Variants in PDZRN3 observed in about 807,000 individuals in gnomAD.
PDZRN3 encodes the protein PDZ domain containing ring finger 3, also known as E3 ubiquitin-protein ligase PDZRN3.
PDZRN3 carries 38 observed loss-of-function variants against 85.7 expected under a neutral mutation model. The ratio of observed to expected loss-of-function variants is 0.44; its 90% CI spans 0.34 to 0.58. The LOEUF is 0.58. Ranked by LOEUF, PDZRN3 falls within the 20% of genes least tolerant of loss-of-function variation. The pLI is 0.01. For missense variants in PDZRN3, 1,629 were observed against 1,506.4 expected (o/e 1.08, Z -1.35); for synonymous variants, 759 against 638.0 (o/e 1.19, Z -2.86).
At chr3:73,386,226 C>CTTTTTTTTTTGTT (rs1701382147) in intron 8 of PDZRN3, among the ~76,000 whole-genome samples, 1 of 90,730 alleles carries the variant, frequency 1.1e-5, no homozygotes, top group Non-Finnish European at 2.1e-5. Flanking sequence ...CAAGATATCA[C>CTTTTTTTTTTGTT]TTTTTTTTTT....
At chr3:73,554,345 T>C (rs1169184113) in intron 3 of PDZRN3, among the ~76,000 whole-genome samples, 2 of 115,408 alleles carry the variant, frequency 1.7e-5, no homozygotes, top group Non-Finnish European at 3.5e-5. Flanking sequence ...ACAGGATTGT[T>C]GAGAGAAGAC....
chr3:73,457,032 T>C (rs1361974281), intron 3 of PDZRN3, among the ~76,000 whole-genome samples: 1 of 152,056 alleles, frequency 6.6e-6, no homozygotes, highest in Non-Finnish European at 1.5e-5. Flanking sequence ...TTTAAAAAAG[T>C]AATATGAATG....
chr3:73,398,501 C>T lies in PDZRN3; in HGVS notation c.1254+2421G>A, dbSNP rs185639880. ...CTAGGGGGCCAAGTTTCTGTAGTTC[C>T]CACATCTCCTAGGTGAGAACTCTAC... On this transcript the variant is annotated intron_variant, in intron 5 of 9. Coordinates refer to ENST00000263666, the MANE Select transcript of PDZRN3 (RefSeq NM_015009.3). 1.1e-4 allele frequency among the ~76,000 whole-genome samples: 17 copies of T among 152,252 alleles called. No homozygotes were observed. The East Asian group carries it at 3.1e-3, about 28-fold the overall frequency.
chr3:73,618,675 A>G (rs1470555133), intron 1 of PDZRN3, among the ~76,000 whole-genome samples: 1 of 152,266 alleles, frequency 6.6e-6, no homozygotes, highest in African/African-American at 2.4e-5. Context: ...ATATTTTTAT[A>G]GCGAGGCAAG....
intron 3 of PDZRN3, among the ~76,000 whole-genome samples, chr3:73,591,151 C>G (rs1311925689): frequency 1.3e-5 from 2 of 152,100 alleles, no homozygotes; most frequent in African/African-American, 4.8e-5. Context: ...TAAAAAGAAA[C>G]TAAACTATTT....
At chr3:73,526,251 A>G (rs77174550) in intron 3 of PDZRN3, among the ~76,000 whole-genome samples, 1,550 of 152,328 alleles carry the variant, frequency 0.01, 31 homozygotes, top group African/African-American at 0.036. Context: ...TCACCACTGT[A>G]TATCTAATGC....
Position 73,384,660 on chromosome 3 carries a change from G to C in PDZRN3, c.1906C>G (p.Leu636Val). ...TCGCACTCGTCCACCGGGATCCCCA[G>C]GTAGTCGGCGTCCGTGCAGTCGGCC... ...ISADCTDADY[L>V]GIPVDECERF... Residue 636 changes from leucine (L) to valine (V), a missense_variant, in exon 10 of 10, where the codon CTG becomes GTG. Coordinates refer to ENST00000263666, the MANE Select transcript of PDZRN3 (RefSeq NM_015009.3). The C allele has an allele frequency of 6.2e-7, 1 of 1,614,004 alleles. No homozygotes were observed. Among genetic ancestry groups the C allele is most frequent in the East Asian group, 2.2e-5 (1 of 44,872 alleles).
In PDZRN3 at chr3:73,405,961, C is replaced by A. The variant is rs111702408; in HGVS notation, c.919-1566G>T. On this transcript the variant is annotated intron_variant, in intron 3 of 9. Transcript: ENST00000263666. ...CTCTTAGGCTGAAGTGCGTTGTAAA[C>A]AACTGTTGGGTTGAGAAATAGATGT... Among the ~76,000 whole-genome samples, 595 of 152,306 alleles carry A rather than the reference C, an allele frequency of 3.9e-3. 2 individuals carry two copies. Among genetic ancestry groups the A allele is most frequent in the African/African-American group, 0.014 (571 of 41,550 alleles).
intron 8 of PDZRN3, among the ~76,000 whole-genome samples, chr3:73,386,066 G>C (rs566597733): frequency 4.2e-4 from 64 of 151,716 alleles, no homozygotes; most frequent in Middle Eastern, 3.4e-3. Flanking sequence ...TACCTTCAGT[G>C]CAGTAGGACA....
At chr3:73,441,483 G>A (rs577315410) in intron 3 of PDZRN3, among the ~76,000 whole-genome samples, 7 of 151,538 alleles carry the variant, frequency 4.6e-5, no homozygotes, top group African/African-American at 1.7e-4. Context: ...CTGTGTGCTG[G>A]ATTTGGCATG....
At chr3:73,603,434 T>G (rs151306398) in intron 2 of PDZRN3, among the ~76,000 whole-genome samples, 64 of 152,326 alleles carry the variant, frequency 4.2e-4, no homozygotes, top group African/African-American at 1.5e-3. Context: ...CAAACAGCAC[T>G]GCAATGAATT....
At chr3:73,580,924 T>C (rs1266232756) in intron 3 of PDZRN3, among the ~76,000 whole-genome samples, 1 of 152,236 alleles carries the variant, frequency 6.6e-6, no homozygotes, top group Non-Finnish European at 1.5e-5. Flanking sequence ...AAACTAATTC[T>C]GAAATACAAT....
chr3:73,500,698 C>T (rs1262583338), intron 3 of PDZRN3, among the ~76,000 whole-genome samples: 1 of 152,164 alleles, frequency 6.6e-6, no homozygotes, highest in Non-Finnish European at 1.5e-5. Context: ...TGCCAGTTCT[C>T]GCCTCCTCCC....
rs1343248821 is a variant in PDZRN3 at position 73,389,856 on chromosome 3, G to C, written c.1376C>G (p.Ala459Gly). ...TCCTTCTCGGATGCGCCCATCCTTG[G>C]CTGCAATGCTGTTAGGGTCAATCTG... The part of the protein sequence containing the change: ...ISEIDPNSIA[A>G]KDGRIREGDR... The change falls in exon 7 of 10, where the codon GCC (alanine) becomes GGC (glycine). Residue 459 changes from alanine (A) to glycine (G), a missense_variant. Physicochemically the swap from Ala to Gly is moderately conservative, Grantham distance 60. Coordinates refer to ENST00000263666, the MANE Select transcript of PDZRN3 (RefSeq NM_015009.3). 1 of 1,613,636 alleles carries C rather than the reference G, an allele frequency of 6.2e-7. No homozygotes were observed. Among genetic ancestry groups the C allele is most frequent in the Non-Finnish European group, 8.5e-7 (1 of 1,179,702 alleles).
In PDZRN3 at chr3:73,517,406, C is replaced by G. The variant is rs1030956267; in HGVS notation, c.918+84948G>C. On this transcript the variant is annotated intron_variant, in intron 3 of 9. Coordinates refer to ENST00000263666, the MANE Select transcript of PDZRN3 (RefSeq NM_015009.3). Reference sequence around the variant, plus strand: ...TGTTTCTATGTGAAAGAGCTCTCAACAAAACATTGCATAATTATCGAGAGC... The same window carrying G: ...TGTTTCTATGTGAAAGAGCTCTCAAGAAAACATTGCATAATTATCGAGAGC... Among the ~76,000 whole-genome samples the G allele has an allele frequency of 3.9e-5, 6 of 152,154 alleles. 1 individual carries two copies. The highest frequency in any genetic ancestry group is 7.3e-5 in the Non-Finnish European group (5 of 68,040).
At chr3:73,457,238 A>T (rs934924124) in intron 3 of PDZRN3, among the ~76,000 whole-genome samples, 2 of 151,814 alleles carry the variant, frequency 1.3e-5, no homozygotes, top group Non-Finnish European at 2.9e-5. Context: ...ATGCCCGGCT[A>T]ATTTTTGTAT....
At chr3:73,558,066 TTAATA>T (rs1701738593) in intron 3 of PDZRN3, among the ~76,000 whole-genome samples, 2 of 152,006 alleles carry the variant, frequency 1.3e-5, no homozygotes, top group South Asian at 2.1e-4. Context: ...GTTTATATCT[TTAATA>T]TATGTTTTTT....
chr3:73,520,509 G>A lies in PDZRN3; in HGVS notation c.918+81845C>T, dbSNP rs560358872. Among the ~76,000 whole-genome samples the A allele has an allele frequency of 2.6e-5, 4 of 152,152 alleles. No homozygotes were observed. The East Asian group carries it at 5.8e-4, about 22-fold the overall frequency. ...CAACAGAGCAAGACCCTGTGACAAC[G>A]ACAACAACAACAACAAGAGTGAACT... is the stretch of plus-strand genomic sequence containing the variant. On this transcript the variant is annotated intron_variant, in intron 3 of 9. Coordinates refer to ENST00000263666, the MANE Select transcript of PDZRN3 (RefSeq NM_015009.3).
At chr3:73,489,956 C>G (rs998441553) in intron 3 of PDZRN3, among the ~76,000 whole-genome samples, 43 of 152,262 alleles carry the variant, frequency 2.8e-4, no homozygotes, top group Admixed American at 1.2e-3. Flanking sequence ...AATGTGATTA[C>G]AAAATAATGA....
Sources: allele counts gnomAD v4.1 joint callset (sites outside exome capture counted in the v4.1 genomes callset), GRCh38; gene constraint gnomAD v4.1.1; transcripts MANE v1.5; gene names NCBI Gene and HGNC (gene_info 2026-07-23, HGNC 2026-07-21).